Variants in MARCHF3 observed in about 807,000 individuals in gnomAD.
MARCHF3 encodes E3 ubiquitin-protein ligase MARCHF3.
MARCHF3 carries 13 observed loss-of-function variants against 24.2 expected under a neutral mutation model. That is an observed-to-expected ratio of 0.54 (90% CI 0.35 to 0.85). MARCHF3 has a LOEUF of 0.85. MARCHF3 is among the 40% of genes least tolerant of loss of function. The pLI is 0.01. For missense variants in MARCHF3, 276 were observed against 325.0 expected, an observed-to-expected ratio of 0.85 and a Z score of 1.16; for synonymous variants, 144 against 137.3, an observed-to-expected ratio of 1.05 and a Z score of -0.34.
chr5:127,003,614 G>A (rs1341292884), intron 1 of MARCHF3, among the ~76,000 whole-genome samples: 1 of 150,976 alleles, frequency 6.6e-6, no homozygotes, highest in Non-Finnish European at 1.5e-5. Flanking sequence ...GCCGGGCACG[G>A]TTGCAGGCGC....
intron 3 of MARCHF3, among the ~76,000 whole-genome samples, chr5:126,891,011 T>C (rs1178992727): frequency 2.7e-5 from 4 of 150,880 alleles, no homozygotes; most frequent in African/African-American, 9.7e-5. Context: ...CTCATTGTGG[T>C]TTTGATTTGC....
intron 1 of MARCHF3, among the ~76,000 whole-genome samples, chr5:127,021,445 C>T (rs1752803440): frequency 6.6e-6 from 1 of 152,156 alleles, no homozygotes. Context: ...ATAATACACA[C>T]AGATTTCATA....
chr5:126,990,240 C>T (rs938799933), intron 1 of MARCHF3, among the ~76,000 whole-genome samples: 1 of 151,872 alleles, frequency 6.6e-6, no homozygotes, highest in African/African-American at 2.4e-5. Flanking sequence ...AGAAATAACA[C>T]CACACATCTA....
At chr5:126,930,097 TA>T (rs1011930849) in intron 1 of MARCHF3, among the ~76,000 whole-genome samples, 19 of 148,706 alleles carry the variant, frequency 1.3e-4, no homozygotes, top group South Asian at 1.1e-3. Flanking sequence ...TTATTGAAAT[TA>T]AAAAAAAAAG....
At chr5:126,988,467 C>T (rs1399731908) in intron 1 of MARCHF3, among the ~76,000 whole-genome samples, 2 of 152,024 alleles carry the variant, frequency 1.3e-5, no homozygotes, top group East Asian at 1.9e-4. Context: ...TAAACATGGC[C>T]CCTGACTCCT....
intron 4 of MARCHF3, among the ~76,000 whole-genome samples, chr5:126,873,313 G>A (rs115635015): frequency 3.2e-4 from 48 of 152,006 alleles, no homozygotes; most frequent in African/African-American, 1.1e-3. Flanking sequence ...ACAGGGCACA[G>A]AGCATACATT....
intron 1 of MARCHF3, among the ~76,000 whole-genome samples, chr5:126,963,936 C>T (rs1750724726): frequency 6.6e-6 from 1 of 152,170 alleles, no homozygotes; most frequent in South Asian, 2.1e-4. Context: ...CATAAACGCT[C>T]CTACCATGGG....
At chr5:126,902,533 C>A (rs1473414345) in intron 3 of MARCHF3, among the ~76,000 whole-genome samples, 1 of 152,024 alleles carries the variant, frequency 6.6e-6, no homozygotes, top group Non-Finnish European at 1.5e-5. Context: ...TTTTTATACA[C>A]AGAACTGGAT....
chr5:126,992,573 TAATTTCTACTACGTAGA>T (rs1327008477), intron 1 of MARCHF3, among the ~76,000 whole-genome samples: 5 of 152,114 alleles, frequency 3.3e-5, no homozygotes. Flanking sequence ...ATCTTCTAGT[TAATTTCTACTACGTAGA>T]AATTACGTAG....
At chr5:126,934,872 C>T (rs187405227) in intron 1 of MARCHF3, among the ~76,000 whole-genome samples, 7 of 152,260 alleles carry the variant, frequency 4.6e-5, no homozygotes, top group South Asian at 4.1e-4. Context: ...GCCCAGGTCC[C>T]GATTTGCTGT....
At chr5:126,899,382 T>C (rs772515333) in intron 3 of MARCHF3, 37 of 869,882 alleles carry the variant, frequency 4.3e-5, no homozygotes, top group Non-Finnish European at 4.7e-5. Context: ...ATTATCTTGA[T>C]GGTAGTTTTA....
intron 1 of MARCHF3, among the ~76,000 whole-genome samples, chr5:127,021,120 C>T (rs907200291): frequency 6.6e-6 from 1 of 152,062 alleles, no homozygotes; most frequent in East Asian, 1.9e-4. Flanking sequence ...TCAACTGACA[C>T]TGGCTTTTTT....
chr5:126,892,091 T>C (rs1225995409), intron 3 of MARCHF3, among the ~76,000 whole-genome samples: 1 of 151,928 alleles, frequency 6.6e-6, no homozygotes, highest in East Asian at 1.9e-4. Flanking sequence ...TCTCTGTTTG[T>C]CTGTTGCTGG....
intron 1 of MARCHF3, among the ~76,000 whole-genome samples, chr5:126,963,622 T>G (rs1292724881): frequency 1.3e-5 from 2 of 152,178 alleles, no homozygotes; most frequent in Admixed American, 1.3e-4. Context: ...ATACTAAGCA[T>G]TTTTTAGAAA....
At chr5:126,962,834 CGT>C (rs10635460) in intron 1 of MARCHF3, among the ~76,000 whole-genome samples, 6,292 of 147,624 alleles carry the variant, frequency 0.043, 224 homozygotes, top group South Asian at 0.11. Context: ...TGTGTGTGTG[CGT>C]GTGTGTGTGT....
At chr5:127,023,595 G>C (rs1752887755) in intron 1 of MARCHF3, among the ~76,000 whole-genome samples, 1 of 151,800 alleles carries the variant, frequency 6.6e-6, no homozygotes. Context: ...AGCCAGGTGT[G>C]GTGGTGCATG....
intron 1 of MARCHF3, among the ~76,000 whole-genome samples, chr5:126,949,471 C>T (rs1176283056): frequency 6.6e-6 from 1 of 152,178 alleles, no homozygotes; most frequent in African/African-American, 2.4e-5. Context: ...TTAATACATC[C>T]TGAAAAACCT....
intron 3 of MARCHF3, among the ~76,000 whole-genome samples, chr5:126,903,760 C>T (rs1754184432): frequency 6.6e-6 from 1 of 151,966 alleles, no homozygotes; most frequent in African/African-American, 2.4e-5. Flanking sequence ...CAACTCTGCT[C>T]CCTATGGTAC....
At chr5:127,002,439 C>T (rs1392911220) in intron 1 of MARCHF3, among the ~76,000 whole-genome samples, 1 of 152,084 alleles carries the variant, frequency 6.6e-6, no homozygotes, top group Non-Finnish European at 1.5e-5. Context: ...TTGAAAAAAA[C>T]TGATGTCTGT....
Sources: gnomAD v4.1 joint callset for allele counts (sites outside exome capture counted in the v4.1 genomes callset) on GRCh38, gnomAD v4.1.1 for gene constraint, MANE v1.5 for transcripts, NCBI Gene and HGNC (gene_info 2026-07-23, HGNC 2026-07-21) for gene names.